NRTN: variants seen among roughly 807,000 people sequenced by gnomAD.
The protein encoded by NRTN is prepro-neurturin.
A neutral mutation model predicts 7.5 loss-of-function variants in NRTN; 3 were observed. The observed-to-expected ratio is 0.40, with a 90% CI of 0.18 to 1.03. NRTN has a LOEUF of 1.03. Ranked by LOEUF, NRTN falls within the 50% of genes least tolerant of loss-of-function variation. The pLI, the probability that NRTN is intolerant of heterozygous loss-of-function variation, is 0.34. For synonymous variants in NRTN, 157 were observed against 146.6 expected (o/e 1.07, Z -0.51); for missense variants, 310 against 307.0 (o/e 1.01, Z -0.07).
At chr19:5,815,014 G>A (rs1160239569) in intron 1 of NRTN, among the ~76,000 whole-genome samples, 2 of 152,260 alleles carry the variant, frequency 1.3e-5, no homozygotes, top group Non-Finnish European at 2.9e-5. Context: ...GACACGGGCA[G>A]TGGTCAGGGC....
chr19:5,813,557 C>T (rs1048159019), intron 1 of NRTN, among the ~76,000 whole-genome samples: 3 of 152,088 alleles, frequency 2.0e-5, no homozygotes, highest in Non-Finnish European at 4.4e-5. Flanking sequence ...GGCTGTAATC[C>T]TACCTACTCG....
intron 1 of NRTN, among the ~76,000 whole-genome samples, chr19:5,820,040 G>T (rs79390761): frequency 0.12 from 18,782 of 151,490 alleles, 1,596 homozygotes; most frequent in East Asian, 0.43. Flanking sequence ...GCTGAGGCGG[G>T]TGGATCACAA....
intron 1 of NRTN, among the ~76,000 whole-genome samples, chr19:5,822,216 T>C (rs1307872208): frequency 6.6e-6 from 1 of 152,040 alleles, no homozygotes; most frequent in African/African-American, 2.4e-5. Flanking sequence ...GCAAATCCCA[T>C]GCAAATAAAT....
chr19:5,817,937 T>C (rs554986348), intron 1 of NRTN, among the ~76,000 whole-genome samples: 54 of 152,080 alleles, frequency 3.6e-4, no homozygotes, highest in African/African-American at 1.1e-3. Context: ...GTAGCTGGGA[T>C]TACAGGCGCA....
At chr19:5,813,567 G>A (rs1024532502) in intron 1 of NRTN, among the ~76,000 whole-genome samples, 5 of 152,208 alleles carry the variant, frequency 3.3e-5, no homozygotes, top group African/African-American at 7.2e-5. Context: ...CTACCTACTC[G>A]GGAGGCTGAG....
rs576981082 is a variant in NRTN, at chr19:5,823,766, A to AGCTGCAGCC, written c.-396_-388dup. ...CTTTCACTCTTCCCCCTGGCTCCTC[A>AGCTGCAGCC]GCTGCAGCCGCTCCGGCCTCCTTGC... is the stretch of plus-strand genomic sequence containing the variant. On this transcript the variant is annotated splice_acceptor_variant, in intron 1 of 2. Coordinates refer to ENST00000303212, the MANE Select transcript of NRTN (RefSeq NM_004558.5). LOFTEE classifies it low-confidence loss of function (5UTR_SPLICE). The AGCTGCAGCC allele has an allele frequency of 0.03, 10,195 of 336,736 alleles. 204 individuals are homozygous for AGCTGCAGCC. The highest frequency in any genetic ancestry group is 0.064 in the Middle Eastern group (64 of 1,000). 20.9% of individuals were successfully genotyped at this position (336,736 alleles called of 1,614,324 possible).
At chr19:5,823,122 A>G (rs199921063) in intron 1 of NRTN, among the ~76,000 whole-genome samples, 1,512 of 83,278 alleles carry the variant, frequency 0.018, 21 homozygotes, top group African/African-American at 0.053. Context: ...AAGAAAGAGA[A>G]AGAGAGAGAG....
chr19:5,823,055 G>T (rs1258222451), intron 1 of NRTN, among the ~76,000 whole-genome samples: 1 of 122,868 alleles, frequency 8.1e-6, no homozygotes, highest in Non-Finnish European at 1.8e-5. Flanking sequence ...GAGAAAGAAA[G>T]AAAGGAAAGA....
chr19:5,821,692 G>C (rs1246285108), intron 1 of NRTN, among the ~76,000 whole-genome samples: 1 of 151,964 alleles, frequency 6.6e-6, no homozygotes, highest in Non-Finnish European at 1.5e-5. Flanking sequence ...GAACCAGCTG[G>C]GCTGGCCCTG....
At chr19:5,814,251 C>T (rs1232850053) in intron 1 of NRTN, among the ~76,000 whole-genome samples, 1 of 149,590 alleles carries the variant, frequency 6.7e-6, no homozygotes, top group Non-Finnish European at 1.5e-5. Flanking sequence ...GCACAGACAC[C>T]ACGCTTACAG....
intron 1 of NRTN, among the ~76,000 whole-genome samples, chr19:5,821,987 C>T (rs921325452): frequency 3.3e-5 from 5 of 152,140 alleles, no homozygotes; most frequent in Non-Finnish European, 7.3e-5. Flanking sequence ...CATTTTGTGC[C>T]TCGGTTTCCC....
chr19:5,823,372 G>A (rs2057033100), intron 1 of NRTN, among the ~76,000 whole-genome samples: 1 of 150,520 alleles, frequency 6.6e-6, no homozygotes, highest in Admixed American at 6.6e-5. Context: ...AGCTGAGATT[G>A]CGCCACTGCA....
At chr19:5,814,203 T>C (rs2056998578) in intron 1 of NRTN, among the ~76,000 whole-genome samples, 1 of 152,000 alleles carries the variant, frequency 6.6e-6, no homozygotes, top group African/African-American at 2.4e-5. Flanking sequence ...GCCGAAGATG[T>C]CCCTCTAGAA....
chr19:5,826,129 C>T (rs945835362), intron 2 of NRTN, among the ~76,000 whole-genome samples: 113 of 141,588 alleles, frequency 8.0e-4, no homozygotes, highest in African/African-American at 3.0e-3. Context: ...AGCGAGACTC[C>T]GTCTCAAAAA....
At position 5,820,735 on chromosome 19, in the gene NRTN, C is replaced by CAAAAAAAA. The variant is rs1332878144; in HGVS notation, c.-398-3031_-398-3030insAAAAAAAA. On this transcript the variant is annotated intron_variant, in intron 1 of 2. Coordinates refer to ENST00000303212, the MANE Select transcript of NRTN (RefSeq NM_004558.5). ...TGGGCAACAGAGTGAAACTCTGTCT[C>CAAAAAAAA]AAGAAAAAAAAAAAAAAAAAAAAAA... is the stretch of plus-strand genomic sequence containing the variant. 8.2e-3 allele frequency among the ~76,000 whole-genome samples: 508 copies of CAAAAAAAA among 62,100 alleles called. 76 individuals are homozygous for CAAAAAAAA. Among genetic ancestry groups the CAAAAAAAA allele is most frequent in the Admixed American group, 0.042 (174 of 4,098 alleles). The allele number at this position is 62,100 out of a possible 152,430, so 40.7% of individuals were successfully genotyped here. A position where few individuals can be genotyped will look rare whatever the true frequency, so the allele number is the denominator to read the frequency against.
In NRTN at chr19:5,827,963, C is replaced by T; in HGVS notation, c.384C>T (p.Arg128=). Reference sequence around the variant, plus strand: ...CGTCCGACGAGACGGTGCTGTTCCGCTACTGCGCAGGCGCCTGCGAGGCTG... The same window carrying T: ...CGTCCGACGAGACGGTGCTGTTCCGTTACTGCGCAGGCGCCTGCGAGGCTG... ...GYASDETVLF[R]YCAGACEAAA... is the part of the protein sequence containing the mutation. Residue 128 remains arginine, a synonymous_variant, in exon 3 of 3, where the codon CGC becomes CGT. Coordinates refer to ENST00000303212, the MANE Select transcript of NRTN (RefSeq NM_004558.5). The T allele has an allele frequency of 6.7e-7, 1 of 1,486,210 alleles. No individual in the cohort carries two copies. Among genetic ancestry groups the T allele is most frequent in the Non-Finnish European group, 8.9e-7 (1 of 1,124,926 alleles). The allele number at this position is 1,486,210 out of a possible 1,614,324, so 92.1% of individuals were successfully genotyped here.
At chr19:5,826,313 A>G (rs1471903164) in intron 2 of NRTN, among the ~76,000 whole-genome samples, 1 of 151,918 alleles carries the variant, frequency 6.6e-6, no homozygotes, top group Non-Finnish European at 1.5e-5. Flanking sequence ...CTTAAAGAAC[A>G]CGGACTAGGT....
At chr19:5,805,991 T>C (rs975910648) in intron 1 of NRTN, among the ~76,000 whole-genome samples, 1 of 152,046 alleles carries the variant, frequency 6.6e-6, no homozygotes, top group Non-Finnish European at 1.5e-5. Flanking sequence ...GGCCGGGCCC[T>C]CTCGGCTCCT....
rs533222610 is a variant in NRTN, at chr19:5,823,276, T to C, written c.-398-492T>C. Among the ~76,000 whole-genome samples, 321 of 151,382 alleles carry C rather than the reference T, an allele frequency of 2.1e-3. 2 individuals carry two copies. Among genetic ancestry groups the C allele is most frequent in the African/African-American group, 7.4e-3 (306 of 41,238 alleles). ...TATTAAAAATACAAAAATTAGCCAG[T>C]CATGCTGGCAGGTGCCTGTAATCCC... is the stretch of plus-strand genomic sequence containing the variant. On this transcript the variant is annotated intron_variant, in intron 1 of 2. Transcript: ENST00000303212.
Sources: allele counts gnomAD v4.1 joint callset (sites outside exome capture counted in the v4.1 genomes callset), GRCh38; gene constraint gnomAD v4.1.1; transcripts MANE v1.5; gene names NCBI Gene and HGNC (gene_info 2026-07-23, HGNC 2026-07-21).